CNOT8: variants seen among roughly 807,000 people sequenced by gnomAD.
CNOT8 encodes CCR4-NOT transcription complex subunit 8.
A neutral mutation model predicts 34.6 loss-of-function variants in CNOT8; 18 were observed. That is an observed-to-expected ratio of 0.52 (90% CI 0.36 to 0.77). The LOEUF is 0.77. Among genes scored for constraint, CNOT8 ranks in the 30% least tolerant of loss-of-function variants. The pLI, the probability that CNOT8 is intolerant of heterozygous loss-of-function variation, is 0.00. For synonymous variants in CNOT8, 101 were observed against 118.8 expected (o/e 0.85, Z 0.98); for missense variants, 189 against 347.9 (o/e 0.54, Z 3.63).
At chr5:154,860,945 T>G (rs1331972291) in intron 1 of CNOT8, among the ~76,000 whole-genome samples, 1 of 152,194 alleles carries the variant, frequency 6.6e-6, no homozygotes, top group African/African-American at 2.4e-5. Flanking sequence ...TTGCTTTTGC[T>G]TTTACGGAAA....
chr5:154,872,345 A>G lies in CNOT8; in HGVS notation c.619-196A>G, dbSNP rs556131288. 3.9e-5 allele frequency among the ~76,000 whole-genome samples: 6 copies of G among 152,350 alleles called. No individual in the cohort carries two copies. In the South Asian group the frequency reaches 1.2e-3, roughly 32 times the overall value. ...AAAATTAACAACATGGAAAGGAGCA[A>G]AATGTAGGATGTAGCACAATATAGC... On this transcript the variant is annotated intron_variant, in intron 5 of 6. Coordinates refer to ENST00000285896, the MANE Select transcript of CNOT8 (RefSeq NM_001301073.2).
At chr5:154,863,964 G>A (rs761933643) in intron 2 of CNOT8, among the ~76,000 whole-genome samples, 3 of 152,138 alleles carry the variant, frequency 2.0e-5, no homozygotes, top group Non-Finnish European at 4.4e-5. Flanking sequence ...AAAAAAATAG[G>A]AAGATCTGGC....
intron 3 of CNOT8, among the ~76,000 whole-genome samples, chr5:154,870,233 T>C: frequency 6.7e-6 from 1 of 149,608 alleles, no homozygotes; most frequent in Non-Finnish European, 1.5e-5. Flanking sequence ...TGTGTGTGTG[T>C]GTGTTGTTTT....
In CNOT8 at chr5:154,870,818, C is replaced by A; in HGVS notation, c.469C>A (p.His157Asn). The change falls in exon 4 of 7, where the codon CAT becomes AAT. Residue 157 changes from histidine to asparagine, a missense_variant. By Grantham distance (68) the His-to-Asn change is moderately conservative. Around this residue, in one of 2 missense-constraint regions of CNOT8, gnomAD observed 160 missense variants for 321.9 expected, o/e 0.50. Coordinates refer to ENST00000285896, the MANE Select transcript of CNOT8 (RefSeq NM_001301073.2). Reference sequence around the variant, plus strand: ...TGACAATGTCAAATGGCTTTCATTTCATAGGTCAGTCCTAGGGAATGTGTA... The same window carrying A: ...TGACAATGTCAAATGGCTTTCATTTAATAGGTCAGTCCTAGGGAATGTGTA... ...LCDNVKWLSF[H>N]SGYDFGYMVK... 6.2e-7 allele frequency: 1 copy of A among 1,613,120 alleles called. No homozygotes were observed. The highest frequency in any genetic ancestry group is 1.1e-5 in the South Asian group (1 of 90,884).
At chr5:154,858,902 G>A (rs1159139043) in intron 1 of CNOT8, 134 bp downstream of exon 1, 2 of 152,204 alleles carry the variant, frequency 1.3e-5, no homozygotes, top group Non-Finnish European at 2.9e-5. Flanking sequence ...AGGAACCCCA[G>A]CAAAGAGTAG....
At chr5:154,861,581 G>GT (rs1185592633) in intron 1 of CNOT8, among the ~76,000 whole-genome samples, 1 of 152,162 alleles carries the variant, frequency 6.6e-6, no homozygotes, top group Admixed American at 6.5e-5. Flanking sequence ...ACTTACATTC[G>GT]TTTTACTGTT....
intron 5 of CNOT8, 63 bp from the exon 6 acceptor site, chr5:154,872,478 A>C: frequency 1.0e-6 from 1 of 982,640 alleles, no homozygotes; most frequent in Non-Finnish European, 1.6e-6. Context: ...AACTGCACTT[A>C]GTTGGCTCCA....
rs1330858893 is a variant in CNOT8 at position 154,858,717 on chromosome 5, C to T, written c.-124C>T. 6.6e-6 allele frequency: 1 copy of T among 152,256 alleles called. No homozygotes were observed. The highest frequency in any genetic ancestry group is 2.4e-5 in the African/African-American group (1 of 41,404). The allele number at this position is 152,256 out of a possible 1,614,324, so 9.4% of individuals were successfully genotyped here. On this transcript the variant is annotated 5_prime_UTR_variant, in exon 1 of 7. Coordinates refer to ENST00000285896, the MANE Select transcript of CNOT8 (RefSeq NM_001301073.2). ...GCCGTCGGGGAGTCAGCCCGCCAGC[C>T]CGCCAGCTCGTCAGCCCGCCAGCCA...
chr5:154,868,618 C>G (rs954087556), intron 3 of CNOT8, among the ~76,000 whole-genome samples: 11 of 152,292 alleles, frequency 7.2e-5, no homozygotes, highest in African/African-American at 2.6e-4. Flanking sequence ...TTTATGTTCC[C>G]TGAGGGCATC....
At chr5:154,858,997 C>T (rs1184481732) in intron 1 of CNOT8, among the ~76,000 whole-genome samples, 2 of 152,168 alleles carry the variant, frequency 1.3e-5, no homozygotes, top group Non-Finnish European at 2.9e-5. Flanking sequence ...TTCATTTTAA[C>T]TTCTACTCCA....
chr5:154,865,109 A>G, intron 2 of CNOT8, 83 bp from the exon 3 acceptor site: 1 of 1,148,524 alleles, frequency 8.7e-7, no homozygotes, highest in Non-Finnish European at 1.2e-6. Flanking sequence ...TTATAAATGG[A>G]GGTAAAATTT....
chr5:154,876,256 G>T lies in CNOT8; in HGVS notation c.*817G>T, dbSNP rs995619339. 6.6e-6 allele frequency: 1 copy of T among 152,192 alleles called. No homozygotes were observed. The highest frequency in any genetic ancestry group is 6.5e-5 in the Admixed American group (1 of 15,268). The allele number at this position is 152,192 out of a possible 1,614,324, so 9.4% of individuals were successfully genotyped here. A position where few individuals can be genotyped will look rare whatever the true frequency, so the allele number is the denominator to read the frequency against. ...ATCCTGAAGGAAACTAGTAAGATCA[G>T]ATTTTTGGGTCATGTCTGTTGTATT... On this transcript the variant is annotated 3_prime_UTR_variant, in exon 7 of 7. Transcript: ENST00000285896.
intron 1 of CNOT8, chr5:154,859,635 C>G (rs1046164428): frequency 6.6e-6 from 1 of 152,202 alleles, no homozygotes; most frequent in African/African-American, 2.4e-5. Context: ...TTTATTGTTT[C>G]CTTGTACACT....
chr5:154,875,415 G>A lies in CNOT8; in HGVS notation c.855G>A (p.Ala285=), dbSNP rs757839542. Residue 285 remains alanine, a synonymous_variant, in exon 7 of 7, where the codon GCG becomes GCA. Transcript: ENST00000285896. ...CCCAGGAGAAGATGAGCATCCTGGC[G>A]ATTATCAACAACATGCAGCAGTGAT... ...DSAQEKMSIL[A]IINNMQQ 5.6e-6 allele frequency: 9 copies of A among 1,613,744 alleles called. No homozygotes were observed. The highest frequency in any genetic ancestry group is 3.3e-5 in the Admixed American group (2 of 59,984).
intron 3 of CNOT8, among the ~76,000 whole-genome samples, chr5:154,866,676 G>T (rs1255616582): frequency 1.3e-5 from 2 of 152,170 alleles, no homozygotes; most frequent in Non-Finnish European, 2.9e-5. Context: ...AGGCCGAGGT[G>T]GGTGGATCAC....
At chr5:154,859,584 G>A (rs1361049765) in intron 1 of CNOT8, 2 of 152,104 alleles carry the variant, frequency 1.3e-5, no homozygotes, top group Admixed American at 6.6e-5. Context: ...ATCTATGCAC[G>A]GCAAAGCCTT....
At chr5:154,873,355 A>G (rs1762658799) in intron 6 of CNOT8, among the ~76,000 whole-genome samples, 1 of 152,208 alleles carries the variant, frequency 6.6e-6, no homozygotes, top group Non-Finnish European at 1.5e-5. Context: ...GAGCACACCC[A>G]AGTCCAGAAC....
At chr5:154,862,449 G>A (rs560703244) in intron 1 of CNOT8, among the ~76,000 whole-genome samples, 52 of 151,688 alleles carry the variant, frequency 3.4e-4, no homozygotes, top group Admixed American at 1.2e-3. Context: ...TAGCCTGGGC[G>A]ACAGAGCAAG....
intron 3 of CNOT8, among the ~76,000 whole-genome samples, chr5:154,868,270 T>C (rs1373391085): frequency 5.7e-4 from 24 of 41,842 alleles, no homozygotes; most frequent in African/African-American, 2.2e-3. Context: ...TTTCTTTTCT[T>C]TTTTTTTTTT....
Sources: gnomAD v4.1 joint callset for allele counts (sites outside exome capture counted in the v4.1 genomes callset) on GRCh38, gnomAD v4.1.1 for gene constraint, gnomAD v4.1.1 regional missense constraint, MANE v1.5 for transcripts, NCBI Gene and HGNC (gene_info 2026-07-23, HGNC 2026-07-21) for gene names.